Variants in DMD observed in about 807,000 individuals in gnomAD.
DMD encodes dystrophin.
Under a neutral mutation model 330.1 loss-of-function variants are expected in DMD, and 63 were observed. That is an observed-to-expected ratio of 0.19 (90% CI 0.16 to 0.24). The LOEUF is 0.24. DMD is among the 10% of genes least tolerant of loss of function. The pLI is 1.00. For missense variants in DMD, 3,344 were observed against 2,684.1 expected (o/e 1.25, Z -5.43); for synonymous variants, 1,223 against 959.8 (o/e 1.27, Z -5.07).
At chrX:31,649,894 A>G (rs2080346245) in intron 54 of DMD, among the ~76,000 whole-genome samples, 1 of 111,082 alleles carries the variant, frequency 9.0e-6, no homozygotes, top group Non-Finnish European at 1.9e-5. Context: ...AGAGGAATTT[A>G]AAATAGGGTA....
intron 55 of DMD, among the ~76,000 whole-genome samples, chrX:31,588,325 C>A (rs1357353662): frequency 9.0e-6 from 1 of 110,957 alleles, no homozygotes; most frequent in Non-Finnish European, 1.9e-5. Flanking sequence ...ACCAACTAAT[C>A]CAAAGTCCGT....
chrX:31,577,281 T>G (rs760376367), intron 55 of DMD, among the ~76,000 whole-genome samples: 12 of 112,914 alleles, frequency 1.1e-4, no homozygotes, highest in African/African-American at 2.9e-4. Flanking sequence ...ACTTGTTTTT[T>G]GTAAAGTATT....
chrX:31,555,866 C>T (rs951507123), intron 55 of DMD, among the ~76,000 whole-genome samples: 13 of 111,779 alleles, frequency 1.2e-4, no homozygotes, highest in African/African-American at 3.9e-4. Flanking sequence ...ACATATCTTT[C>T]CCGTTTGCTT....
intron 50 of DMD, among the ~76,000 whole-genome samples, chrX:31,792,424 G>A (rs896859071): frequency 8.0e-5 from 9 of 112,067 alleles, no homozygotes; most frequent in Middle Eastern, 4.6e-3. Context: ...TTAGCATGAC[G>A]GCTGTATTTT....
intron 55 of DMD, among the ~76,000 whole-genome samples, chrX:31,546,153 G>GCAGCAGCATTATCT (rs1354515051): frequency 1.8e-5 from 2 of 112,342 alleles, no homozygotes; most frequent in Non-Finnish European, 3.8e-5. Flanking sequence ...AACAGCAATG[G>GCAGCAGCATTATCT]CAGCAGCATT....
At chrX:32,208,333 T>C (rs1329073053) in intron 44 of DMD, among the ~76,000 whole-genome samples, 1 of 112,015 alleles carries the variant, frequency 8.9e-6, no homozygotes, top group Non-Finnish European at 1.9e-5. Flanking sequence ...AATCTCAAAG[T>C]ATTACAAACT....
At chrX:32,120,659 C>T (rs1240608631) in intron 44 of DMD, among the ~76,000 whole-genome samples, 1 of 111,865 alleles carries the variant, frequency 8.9e-6, no homozygotes, top group Non-Finnish European at 1.9e-5. Context: ...GTTACTTCTT[C>T]CACTCCTAAC....
intron 7 of DMD, among the ~76,000 whole-genome samples, chrX:32,710,869 A>G (rs1485295464): frequency 9.0e-6 from 1 of 111,209 alleles, no homozygotes; most frequent in African/African-American, 3.3e-5. Context: ...TCTACCAAAT[A>G]ATGATAATTG....
In DMD at chrX:32,849,829, A is replaced by T. The variant is rs3764764; in HGVS notation, c.94-9T>A. 264 of 1,093,641 alleles carry T rather than the reference A, an allele frequency of 2.4e-4. 2 individuals carry two copies. The East Asian group carries it at 2.5e-3, about 10-fold the overall frequency. 90.1% of individuals were successfully genotyped at this position (1,093,641 alleles called of 1,213,427 possible). ...ATATGCTGCTTCCCAAACTGAAATT[A>T]AAAAAAATACACTCAATTTAACAAA... On this transcript the variant is annotated splice_polypyrimidine_tract_variant and intron_variant, in intron 2 of 78. Coordinates refer to ENST00000357033, the MANE Select transcript of DMD (RefSeq NM_004006.3).
chrX:32,582,480 G>GA (rs1432265964), intron 13 of DMD, among the ~76,000 whole-genome samples: 18 of 111,565 alleles, frequency 1.6e-4, no homozygotes, highest in Admixed American at 6.7e-4. Context: ...ATTATTGAGA[G>GA]AAAATAAAGA....
At chrX:31,283,825 T>C (rs750226415) in intron 62 of DMD, among the ~76,000 whole-genome samples, 1 of 111,896 alleles carries the variant, frequency 8.9e-6, no homozygotes, top group South Asian at 3.7e-4. Context: ...ATGAACAAGC[T>C]CAAGACATGT....
chrX:32,824,643 T>A (rs192907132), intron 4 of DMD, among the ~76,000 whole-genome samples: 91 of 111,527 alleles, frequency 8.2e-4, no homozygotes, highest in African/African-American at 2.5e-3. Flanking sequence ...AAGGGCAATA[T>A]GAGGGACCCT....
chrX:32,348,811 G>A (rs2097772439), intron 37 of DMD, among the ~76,000 whole-genome samples: 1 of 111,218 alleles, frequency 9.0e-6, no homozygotes, highest in Non-Finnish European at 1.9e-5. Context: ...ATTTGAATGG[G>A]CTAATTTTTA....
At chrX:32,709,092 T>C (rs2064948506) in intron 7 of DMD, among the ~76,000 whole-genome samples, 1 of 112,067 alleles carries the variant, frequency 8.9e-6, no homozygotes, top group Non-Finnish European at 1.9e-5. Context: ...CATTTTCCTT[T>C]TGACAGTACT....
chrX:32,294,590 G>A (rs7889573), intron 42 of DMD, among the ~76,000 whole-genome samples: 2,760 of 111,210 alleles, frequency 0.025, 87 homozygotes, highest in African/African-American at 0.085. Context: ...TGTTACTAAC[G>A]CGGGAAAACT....
intron 60 of DMD, among the ~76,000 whole-genome samples, chrX:31,396,557 T>G: frequency 1.0e-5 from 1 of 96,719 alleles, no homozygotes; most frequent in Middle Eastern, 5.0e-3. Flanking sequence ...GGTTTTTTTT[T>G]TTTTTTTTTT....
At chrX:32,885,719 T>C (rs757131976) in intron 2 of DMD, among the ~76,000 whole-genome samples, 3 of 110,275 alleles carry the variant, frequency 2.7e-5, no homozygotes, top group African/African-American at 9.9e-5. Context: ...TAAAATAGTG[T>C]TTTTCTGATG....
chrX:32,727,008 T>C (rs1277591154), intron 7 of DMD, among the ~76,000 whole-genome samples: 1 of 110,691 alleles, frequency 9.0e-6, no homozygotes, highest in Non-Finnish European at 1.9e-5. Context: ...CCTTTTCAAA[T>C]GGTTAAAGGC....
chrX:31,565,809 T>C (rs2075434779), intron 55 of DMD, among the ~76,000 whole-genome samples: 1 of 112,523 alleles, frequency 8.9e-6, no homozygotes, highest in Admixed American at 9.4e-5. Flanking sequence ...TTAGCCATTC[T>C]GATAGATGTG....
Sources: allele counts gnomAD v4.1 joint callset (sites outside exome capture counted in the v4.1 genomes callset), GRCh38; gene constraint gnomAD v4.1.1; transcripts MANE v1.5; gene names NCBI Gene and HGNC (gene_info 2026-07-23, HGNC 2026-07-21).